Variants in SLC14A2 observed in about 807,000 individuals in gnomAD.
SLC14A2 encodes urea transporter 2.
A neutral mutation model predicts 104.6 loss-of-function variants in SLC14A2; 91 were observed. That is an observed-to-expected ratio of 0.87 (90% CI 0.73 to 1.04). SLC14A2 has a LOEUF of 1.04. SLC14A2 is among the 50% of genes least tolerant of loss of function. The pLI is 0.00. For synonymous variants in SLC14A2, 476 were observed against 466.4 expected (o/e 1.02, Z -0.27); for missense variants, 1,189 against 1,156.0 (o/e 1.03, Z -0.41).
At chr18:45,597,073 G>A (rs557273385) in intron 2 of SLC14A2, among the ~76,000 whole-genome samples, 16 of 152,316 alleles carry the variant, frequency 1.1e-4, no homozygotes, top group Non-Finnish European at 1.9e-4. Flanking sequence ...ATGCCAGCAC[G>A]TTGGGAGGCC....
At chr18:45,362,380 A>T (rs1228822502) in intron 1 of SLC14A2, among the ~76,000 whole-genome samples, 3 of 152,120 alleles carry the variant, frequency 2.0e-5, no homozygotes, top group South Asian at 2.1e-4. Context: ...ACTGACAGGA[A>T]CCCTCTGGTG....
At chr18:45,593,552 C>G (rs896636884) in intron 2 of SLC14A2, among the ~76,000 whole-genome samples, 3 of 132,466 alleles carry the variant, frequency 2.3e-5, no homozygotes, top group African/African-American at 8.8e-5. Flanking sequence ...TGCAGTGGCA[C>G]GATCTCGGCT....
chr18:45,663,502 T>A (rs1599143197), intron 10 of SLC14A2, among the ~76,000 whole-genome samples: 1 of 152,136 alleles, frequency 6.6e-6, no homozygotes, highest in Admixed American at 6.5e-5. Context: ...GCTAAATGGG[T>A]CTTAGAGTGC....
intron 1 of SLC14A2, among the ~76,000 whole-genome samples, chr18:45,227,787 A>G (rs2084134628): frequency 1.3e-5 from 2 of 152,090 alleles, no homozygotes; most frequent in African/African-American, 2.4e-5. Context: ...CCAATCCAGA[A>G]AGCCAAGCTT....
intron 1 of SLC14A2, among the ~76,000 whole-genome samples, chr18:45,357,548 T>C (rs1020756049): frequency 3.9e-5 from 6 of 152,034 alleles, no homozygotes; most frequent in Admixed American, 3.9e-4. Flanking sequence ...GCTCCAGCCT[T>C]GGTGACAGAG....
intron 2 of SLC14A2, chr18:45,528,203 A>G (rs534983421): frequency 4.9e-5 from 7 of 143,502 alleles, no homozygotes; most frequent in African/African-American, 1.6e-4. Flanking sequence ...GGGGGTGTCT[A>G]TATGCGAAGA....
intron 1 of SLC14A2, among the ~76,000 whole-genome samples, chr18:45,293,359 G>A (rs1026077863): frequency 6.6e-6 from 1 of 152,088 alleles, no homozygotes; most frequent in Non-Finnish European, 1.5e-5. Context: ...TGGGGGAAAA[G>A]TGGTGAATGT....
intron 1 of SLC14A2, among the ~76,000 whole-genome samples, chr18:45,448,740 A>G (rs2086811605): frequency 6.6e-6 from 1 of 152,158 alleles, no homozygotes; most frequent in African/African-American, 2.4e-5. Flanking sequence ...CAGCATCTTC[A>G]TTCATGTATT....
chr18:45,463,209 T>G (rs1327324006), intron 1 of SLC14A2, among the ~76,000 whole-genome samples: 1 of 152,184 alleles, frequency 6.6e-6, no homozygotes, highest in East Asian at 1.9e-4. Flanking sequence ...TTTGCTACCT[T>G]AATCTGGGTT....
At chr18:45,207,816 A>T in the SLC14A2 span, among the ~76,000 whole-genome samples, 2 of 152,312 alleles carry the variant, frequency 1.3e-5, no homozygotes, top group Middle Eastern at 3.4e-3. Flanking sequence ...AAAGCTAGAG[A>T]TGCCCAGAAT....
At chr18:45,204,758 A>G in the SLC14A2 span, among the ~76,000 whole-genome samples, 2 of 152,108 alleles carry the variant, frequency 1.3e-5, no homozygotes, top group Non-Finnish European at 2.9e-5. Context: ...AATTCAACCA[A>G]TGCATTTTCA....
chr18:45,314,554 T>C (rs1277995647), intron 1 of SLC14A2, among the ~76,000 whole-genome samples: 1 of 152,210 alleles, frequency 6.6e-6, no homozygotes, highest in Non-Finnish European at 1.5e-5. Context: ...AGTTGGGATA[T>C]GACCCTATGT....
chr18:45,331,754 T>G (rs1304099132), intron 1 of SLC14A2, among the ~76,000 whole-genome samples: 2 of 152,150 alleles, frequency 1.3e-5, no homozygotes, highest in African/African-American at 2.4e-5. Context: ...TATGCCCTCA[T>G]GTACCATTAC....
chr18:45,581,070 G>A (rs981059727), intron 2 of SLC14A2, among the ~76,000 whole-genome samples: 18 of 152,122 alleles, frequency 1.2e-4, no homozygotes, highest in African/African-American at 4.1e-4. Context: ...GGAATGTGGA[G>A]GGCATTTCCT....
intron 10 of SLC14A2, among the ~76,000 whole-genome samples, chr18:45,648,472 T>A (rs1282599965): frequency 1.3e-5 from 2 of 152,196 alleles, no homozygotes. Flanking sequence ...CCCAAGGTGC[T>A]GGGATTACAG....
chr18:45,502,069 G>A (rs567791982), intron 2 of SLC14A2, among the ~76,000 whole-genome samples: 1 of 152,272 alleles, frequency 6.6e-6, no homozygotes, highest in South Asian at 2.1e-4. Flanking sequence ...AGGATTCCGT[G>A]GCATCTGTCT....
the SLC14A2 span, among the ~76,000 whole-genome samples, chr18:45,207,764 G>A: frequency 1.3e-5 from 2 of 152,158 alleles, no homozygotes; most frequent in Admixed American, 6.5e-5. Flanking sequence ...AATTAGTTTA[G>A]GGTGGTTAGA....
chr18:45,483,298 T>G (rs868297822), exon 2 of SLC14A2: 1 of 152,234 alleles, frequency 6.6e-6, no homozygotes, highest in African/African-American at 2.4e-5. Flanking sequence ...ATAGAACCAC[T>G]GACAACACTG....
chr18:45,520,999 AC>A (rs2043509306), intron 2 of SLC14A2, among the ~76,000 whole-genome samples: 1 of 152,128 alleles, frequency 6.6e-6, no homozygotes, highest in Non-Finnish European at 1.5e-5. Flanking sequence ...CCTCTGAGAT[AC>A]TCTAGAATCT....
Sources: allele counts gnomAD v4.1 joint callset (sites outside exome capture counted in the v4.1 genomes callset), GRCh38; gene constraint gnomAD v4.1.1; transcripts MANE v1.5; gene names NCBI Gene and HGNC (gene_info 2026-07-23, HGNC 2026-07-21).